Variants in CCDC33 observed in about 807,000 individuals in gnomAD.
CCDC33 encodes coiled-coil domain containing 33.
A neutral mutation model predicts 91.9 loss-of-function variants in CCDC33; 94 were observed. The observed-to-expected ratio is 1.02, with a 90% CI of 0.87 to 1.21. CCDC33 has a LOEUF of 1.21. CCDC33 is among the 50% of genes most tolerant of loss of function. The pLI is 0.00. For missense variants in CCDC33, 940 were observed against 935.5 expected, an observed-to-expected ratio of 1.00 and a Z score of -0.06; for synonymous variants, 396 against 374.5, an observed-to-expected ratio of 1.06 and a Z score of -0.66.
At position 74,268,374 on chromosome 15, in the gene CCDC33, T is replaced by C. The variant is rs372184874; in HGVS notation, c.462T>C (p.Thr154=). Reference sequence around the variant, plus strand: ...AGTCTGGGAAAGCCGATGAAGCCACTGCCAAGACCCAGTTGTACGCAACAG... The same window carrying C: ...AGTCTGGGAAAGCCGATGAAGCCACCGCCAAGACCCAGTTGTACGCAACAG... ...PTESGKADEA[T]AKTQLYATVV... Residue 154 remains threonine, a synonymous_variant, in exon 5 of 19, where the codon ACT becomes ACC. Transcript: ENST00000398814. 1.2e-5 allele frequency: 19 copies of C among 1,613,428 alleles called. No homozygotes were observed. The African/African-American group carries it at 2.5e-4, about 22-fold the overall frequency.
At chr15:74,335,757 G>T in intron 18 of CCDC33, 168 bp from the exon 19 acceptor site, 5 of 627,322 alleles carry the variant, frequency 8.0e-6, no homozygotes, top group Non-Finnish European at 1.4e-5. Flanking sequence ...GACCCTTGGA[G>T]AAATTAGGTG....
rs2059707039 is a variant in CCDC33 at position 74,297,259 on chromosome 15, CAGCTCAGTCAT to C, written c.1290+1313_1290+1323del. ...GGAAAGAGCCCTTGGGATTAACATCCAGCTCAGTCATAAACTGCATTGAAAATAAAGAAACC... is the reference window on the plus strand; with the variant it reads ...GGAAAGAGCCCTTGGGATTAACATCCAAACTGCATTGAAAATAAAGAAACC... On this transcript the variant is annotated intron_variant, in intron 11 of 18. Transcript: ENST00000398814. Among the ~76,000 whole-genome samples, 3 of 152,188 alleles carry C rather than the reference CAGCTCAGTCAT, an allele frequency of 2.0e-5. No homozygotes were observed. In the South Asian group the frequency reaches 6.2e-4, roughly 32 times the overall value.
intron 1 of CCDC33, among the ~76,000 whole-genome samples, chr15:74,241,926 G>A (rs1192150910): frequency 6.6e-6 from 1 of 152,198 alleles, no homozygotes; most frequent in African/African-American, 2.4e-5. Context: ...AACGAGTTGG[G>A]GCAGACAGCA....
chr15:74,238,022 G>A (rs1188834866), intron 1 of CCDC33, among the ~76,000 whole-genome samples: 2 of 152,068 alleles, frequency 1.3e-5, no homozygotes, highest in Admixed American at 1.3e-4. Flanking sequence ...CAGTTACTCA[G>A]GATGCTGAGG....
intron 5 of CCDC33, among the ~76,000 whole-genome samples, chr15:74,270,234 G>C (rs1370055560): frequency 6.6e-6 from 1 of 152,200 alleles, no homozygotes; most frequent in East Asian, 1.9e-4. Context: ...TGAAAGGAGG[G>C]TGCGGAGGGA....
chr15:74,216,703 C>G (rs550332009), upstream of CCDC33, among the ~76,000 whole-genome samples: 6 of 146,050 alleles, frequency 4.1e-5, no homozygotes, highest in African/African-American at 1.5e-4. Context: ...GACACTGTCT[C>G]CCTTCCCTTG....
rs1235210607 is a variant in CCDC33, at chr15:74,268,686, TC to T, written c.546+231del. ...TGAAGATGCTCAAGCCTCTTCTCCT[TC>T]CCTCTCTGTCTTGGAGGTGGCGGGG... On this transcript the variant is annotated intron_variant, in intron 5 of 18. Transcript: ENST00000398814. Among the ~76,000 whole-genome samples the T allele has an allele frequency of 2.6e-5, 4 of 152,310 alleles. No individual in the cohort carries two copies. In the South Asian group the frequency reaches 8.3e-4, roughly 32 times the overall value.
chr15:74,208,512 C>T (rs2074313062), intron 1 of CCDC33, among the ~76,000 whole-genome samples: 1 of 152,152 alleles, frequency 6.6e-6, no homozygotes. Flanking sequence ...CAGGACAGGG[C>T]TCTCCACCAA....
At position 74,280,688 on chromosome 15, in the gene CCDC33, A is replaced by G. The variant is rs748418856; in HGVS notation, c.910A>G (p.Thr304Ala). Residue 304 changes from threonine (T) to alanine (A), a missense_variant, in exon 9 of 19, where the codon ACC becomes GCC. Thr to Ala is a moderately conservative substitution (Grantham distance 58). Coordinates refer to ENST00000398814, the MANE Select transcript of CCDC33 (RefSeq NM_025055.5). The stretch of plus-strand genomic sequence containing the variant: ...CACAGTGAAAGGCAGCCAGCCGTGG[A>G]CCCTCAACCAGCCCCTGGGCATCTC... ...STSMKGSQPW[T>A]LNQPLGISVL... The G allele has an allele frequency of 6.6e-7, 1 of 1,512,716 alleles. No individual in the cohort carries two copies. The highest frequency in any genetic ancestry group is 1.3e-5 in the South Asian group (1 of 76,312). The allele number at this position is 1,512,716 out of a possible 1,614,324, so 93.7% of individuals were successfully genotyped here. A position where few individuals can be genotyped will look rare whatever the true frequency, so the allele number is the denominator to read the frequency against.
upstream of CCDC33, among the ~76,000 whole-genome samples, chr15:74,214,800 G>C (rs907323899): frequency 6.6e-6 from 1 of 152,190 alleles, no homozygotes; most frequent in Non-Finnish European, 1.5e-5. Flanking sequence ...AATGGTCTTT[G>C]CTTGTCACAG....
chr15:74,226,959 GA>G (rs2074819986), intron 2 of CCDC33, among the ~76,000 whole-genome samples: 1 of 152,182 alleles, frequency 6.6e-6, no homozygotes, highest in Non-Finnish European at 1.5e-5. Context: ...AGTTGCAGGG[GA>G]TGCCAATGGA....
At chr15:74,318,993 T>C (rs969728482) in intron 11 of CCDC33, among the ~76,000 whole-genome samples, 2 of 152,056 alleles carry the variant, frequency 1.3e-5, no homozygotes, top group African/African-American at 2.4e-5. Flanking sequence ...CCTTGGATCC[T>C]AGAAAGTGGC....
At chr15:74,275,383 C>G (rs2959018) in intron 7 of CCDC33, among the ~76,000 whole-genome samples, 78,436 of 152,198 alleles carry the variant, frequency 0.52, 24,962 homozygotes, top group Non-Finnish European at 0.71. Flanking sequence ...TGTACCTCCC[C>G]TAGTGCCAGT....
intron 2 of CCDC33, among the ~76,000 whole-genome samples, chr15:74,209,907 C>T (rs1314075070): frequency 6.6e-6 from 1 of 152,142 alleles, no homozygotes; most frequent in Non-Finnish European, 1.5e-5. Flanking sequence ...CAGTCTCTTC[C>T]TTGAAGGAGA....
chr15:74,327,798 A>G (rs534686287), intron 11 of CCDC33, among the ~76,000 whole-genome samples: 1 of 152,336 alleles, frequency 6.6e-6, no homozygotes, highest in South Asian at 2.1e-4. Context: ...GACTCACTCC[A>G]TGAGCATGCT....
upstream of CCDC33, among the ~76,000 whole-genome samples, chr15:74,235,663 A>T (rs934694504): frequency 6.6e-5 from 10 of 152,044 alleles, no homozygotes; most frequent in African/African-American, 2.4e-4. Flanking sequence ...CACCAAAAGC[A>T]CTTAGGACCC....
chr15:74,330,600 A>C, intron 12 of CCDC33, 63 bp from the exon 13 acceptor site: 1 of 1,342,146 alleles, frequency 7.5e-7, no homozygotes, highest in East Asian at 2.3e-5. Context: ...CCTGCTACTG[A>C]CCATGCTGAT....
chr15:74,285,195 C>G (rs1326416781), intron 10 of CCDC33, among the ~76,000 whole-genome samples: 3 of 69,526 alleles, frequency 4.3e-5, no homozygotes, highest in African/African-American at 1.0e-4. Context: ...AGGACATAGG[C>G]TCTTTCCATG....
At chr15:74,285,361 G>C (rs1460935993) in intron 10 of CCDC33, among the ~76,000 whole-genome samples, 4 of 152,168 alleles carry the variant, frequency 2.6e-5, no homozygotes, top group Non-Finnish European at 5.9e-5. Context: ...AGACAGCAGT[G>C]GCCTCTCTCA....
Sources: gnomAD v4.1 joint callset for allele counts (sites outside exome capture counted in the v4.1 genomes callset) on GRCh38, gnomAD v4.1.1 for gene constraint, MANE v1.5 for transcripts, NCBI Gene and HGNC (gene_info 2026-07-23, HGNC 2026-07-21) for gene names.